The following GSTM2 variants were observed in gnomAD, a reference collection of about 807,000 sequenced individuals.
GSTM2 encodes the protein glutathione S-transferase mu 2.
Under a neutral mutation model 33.3 loss-of-function variants are expected in GSTM2, and 33 were observed. The observed-to-expected ratio is 0.99, with a 90% confidence interval of 0.75 to 1.33. GSTM2 has a LOEUF of 1.33. Ranked by LOEUF, GSTM2 falls within the 40% of genes most tolerant of loss-of-function variation. The probability of loss-of-function intolerance (pLI) is 0.00; values close to 1 mark genes in which losing one functional copy is unlikely to be tolerated. For synonymous variants in GSTM2, 93 were observed against 95.6 expected (o/e 0.97, Z 0.16); for missense variants, 213 against 265.8 (o/e 0.80, Z 1.38).
chr1:109,668,742 C>A, intron 2 of GSTM2, 183 bp from the exon 3 acceptor site: 2 of 829,540 alleles, frequency 2.4e-6, no homozygotes, highest in Non-Finnish European at 3.9e-6. Flanking sequence ...GAAGCCTTAG[C>A]TGTGTGGGGT....
At chr1:109,671,663 C>T (rs1344341375) in intron 7 of GSTM2, 80 bp downstream of exon 7, 5 of 902,724 alleles carry the variant, frequency 5.5e-6, no homozygotes, top group Non-Finnish European at 9.4e-6. Flanking sequence ...CCTGGAGCTA[C>T]ACAAAGAATA....
At position 109,669,722 on chromosome 1, in the gene GSTM2, T is replaced by TA. The variant is rs1181897614; in HGVS notation, c.360+152dup. On this transcript the variant is annotated intron_variant, in intron 5 of 7. Coordinates refer to ENST00000241337, the MANE Select transcript of GSTM2 (RefSeq NM_000848.4). The stretch of plus-strand genomic sequence containing the variant: ...AGCCGCGGTCCTACACGGTGAGTGT[T>TA]ACAGTTCTTAAAGATGGTGTGTCCG... 6.6e-6 allele frequency: 4 copies of TA among 610,438 alleles called. No homozygotes were observed. The Middle Eastern group carries it at 1.5e-3, about 232-fold the overall frequency. The allele number at this position is 610,438 out of a possible 1,614,324, so 37.8% of individuals were successfully genotyped here.
rs1270175696 is a variant in GSTM2, at chr1:109,673,382, T to A, written c.568-1365T>A. 1.2e-5 allele frequency: 14 copies of A among 1,122,046 alleles called. No individual in the cohort carries two copies. The Admixed American group carries it at 2.4e-4, about 19-fold the overall frequency. The allele number at this position is 1,122,046 out of a possible 1,614,324, so 69.5% of individuals were successfully genotyped here. The stretch of plus-strand genomic sequence containing the variant: ...CCTGTGAAGTGTGTGCTGAACTTGT[T>A]TGAGAGCAGCAAATCCTACATTACT... On this transcript the variant is annotated intron_variant, in intron 7 of 7. Coordinates refer to ENST00000241337, the MANE Select transcript of GSTM2 (RefSeq NM_000848.4).
chr1:109,668,284 G>C (rs1164942138), intron 1 of GSTM2, 133 bp downstream of exon 1: 4 of 1,328,608 alleles, frequency 3.0e-6, no homozygotes, highest in Non-Finnish European at 4.3e-6. Flanking sequence ...GCTTGCCGCT[G>C]TCTGTGCGTG....
chr1:109,672,759 TGA>T (rs942875629), intron 7 of GSTM2, among the ~76,000 whole-genome samples: 54 of 152,288 alleles, frequency 3.5e-4, no homozygotes, highest in African/African-American at 1.3e-3. Flanking sequence ...TGGGGAATCC[TGA>T]GAGCCAGGGC....
At chr1:109,678,486 A>G (rs1647762144), downstream of GSTM2, among the ~76,000 whole-genome samples, 1 of 152,140 alleles carries the variant, frequency 6.6e-6, no homozygotes, top group African/African-American at 2.4e-5. Flanking sequence ...GTGGCTCATG[A>G]GTGTGATCCC....
At chr1:109,671,015 C>A in intron 5 of GSTM2, 1 of 446,424 alleles carries the variant, frequency 2.2e-6, no homozygotes, top group Non-Finnish European at 4.1e-6. Context: ...CTGGGGCTGA[C>A]CCAGAGGTTG....
At chr1:109,668,233 G>A (rs1647406327) in intron 1 of GSTM2, 82 bp downstream of exon 1, 1 of 1,459,162 alleles carries the variant, frequency 6.9e-7, no homozygotes, top group South Asian at 1.1e-5. Flanking sequence ...GGGCTCTAGG[G>A]ACGGTTCCTC....
intron 5 of GSTM2, 140 bp downstream of exon 5, chr1:109,669,711 A>T: frequency 1.6e-6 from 1 of 627,876 alleles, no homozygotes; most frequent in South Asian, 1.9e-5. Flanking sequence ...GCGGTCCTAC[A>T]CGGTGAGTGT....
rs1227682262 is a variant in GSTM2 at position 109,668,986 on chromosome 1, C to T, written c.174C>T (p.Pro58=). 4.3e-6 allele frequency: 7 copies of T among 1,611,922 alleles called. No individual in the cohort carries two copies. Among genetic ancestry groups the T allele is most frequent in the South Asian group, 1.1e-5 (1 of 90,980 alleles). The change falls in exon 3 of 8, where the codon CCC becomes CCT. Residue 58 remains proline, a synonymous_variant. Transcript: ENST00000241337. The part of the protein sequence containing the change: ...NEKFKLGLDF[P]NLPYLIDGTH... ...AATTCAAGCTGGGCCTGGACTTTCCCAATGTAGGTGCAGGGGAAGGGGCGG... is the reference window on the plus strand; with the variant it reads ...AATTCAAGCTGGGCCTGGACTTTCCTAATGTAGGTGCAGGGGAAGGGGCGG...
At chr1:109,670,964 G>T in intron 5 of GSTM2, 1 of 293,468 alleles carries the variant, frequency 3.4e-6, no homozygotes, top group East Asian at 6.0e-5. Context: ...CCTTGATTCT[G>T]CTCATATCTG....
At chr1:109,671,149 C>T (rs1647529156) in intron 5 of GSTM2, 138 bp from the exon 6 acceptor site, 1 of 692,042 alleles carries the variant, frequency 1.4e-6, no homozygotes, top group Non-Finnish European at 2.7e-6. Flanking sequence ...CAGCTGAAGC[C>T]TGGACAGTGA....
chr1:109,672,504 C>T (rs1303773699), intron 7 of GSTM2, among the ~76,000 whole-genome samples: 1 of 152,150 alleles, frequency 6.6e-6, no homozygotes, highest in East Asian at 1.9e-4. Flanking sequence ...GCTGGGCTCC[C>T]TGCGAGCCTC....
chr1:109,669,232 G>A, intron 3 of GSTM2, 58 bp from the exon 4 acceptor site: 2 of 1,591,972 alleles, frequency 1.3e-6, no homozygotes, highest in South Asian at 1.1e-5. Flanking sequence ...CATATGGGAA[G>A]GGGATGCTGG....
intron 2 of GSTM2, 46 bp from the exon 3 acceptor site, chr1:109,668,879 C>T (rs1647426393): frequency 2.5e-6 from 4 of 1,610,506 alleles, no homozygotes; most frequent in Non-Finnish European, 3.4e-6. Flanking sequence ...GGAAGGAGGG[C>T]TGGGCTTTGG....
At chr1:109,680,325 G>A (rs1366594610) in intron 7 of GSTM2, among the ~76,000 whole-genome samples, 1 of 148,352 alleles carries the variant, frequency 6.7e-6, no homozygotes, top group Non-Finnish European at 1.5e-5. Context: ...TCATCAATAA[G>A]TAAGTTTTAT....
rs4518929 is a variant in GSTM2, at chr1:109,668,243, C to G, written c.36+92C>G. On this transcript the variant is annotated intron_variant, in intron 1 of 7. Coordinates refer to ENST00000241337, the MANE Select transcript of GSTM2 (RefSeq NM_000848.4). Reference sequence around the variant, plus strand: ...AGGACGGGCTCTAGGGACGGTTCCTCTTCAGGGCTGTCCCTGACAGCGGGG... The same window carrying G: ...AGGACGGGCTCTAGGGACGGTTCCTGTTCAGGGCTGTCCCTGACAGCGGGG... 2.1e-6 allele frequency: 3 copies of G among 1,418,934 alleles called. No individual in the cohort carries two copies. In the East Asian group the frequency reaches 6.9e-5, roughly 33 times the overall value. The allele number at this position is 1,418,934 out of a possible 1,614,324, so 87.9% of individuals were successfully genotyped here. A position where few individuals can be genotyped will look rare whatever the true frequency, so the allele number is the denominator to read the frequency against.
chr1:109,669,292 G>T lies in GSTM2; in HGVS notation c.180G>T (p.Leu60=), dbSNP rs761042411. The T allele has an allele frequency of 1.9e-6, 3 of 1,614,144 alleles. No individual in the cohort carries two copies. In the Admixed American group the frequency reaches 5.0e-5, roughly 27 times the overall value. ...KFKLGLDFPN[L]PYLIDGTHKI... ...TCCCCGGTTTCCCATCTATCCAGCT[G>T]CCCTACTTGATTGATGGGACTCACA... is the stretch of plus-strand genomic sequence containing the variant. Residue 60 remains leucine, a splice_region_variant and synonymous_variant, in exon 4 of 8, where the codon CTG becomes CTT. Coordinates refer to ENST00000241337, the MANE Select transcript of GSTM2 (RefSeq NM_000848.4).
At chr1:109,675,871 GTC>G (rs1298842974), downstream of GSTM2, among the ~76,000 whole-genome samples, 9 of 152,244 alleles carry the variant, frequency 5.9e-5, no homozygotes, top group African/African-American at 2.2e-4. Context: ...TGAGGATTTA[GTC>G]TGTTCTCACG....
Sources: allele counts gnomAD v4.1 joint callset (sites outside exome capture counted in the v4.1 genomes callset), GRCh38; gene constraint gnomAD v4.1.1; transcripts MANE v1.5; gene names NCBI Gene and HGNC (gene_info 2026-07-23, HGNC 2026-07-21).